The following LSAMP variants were observed in gnomAD, a reference collection of about 807,000 sequenced individuals.
The protein encoded by LSAMP is limbic system associated membrane protein, also known as limbic system-associated membrane protein.
A neutral mutation model predicts 38.6 loss-of-function variants in LSAMP; 7 were observed. The observed-to-expected ratio is 0.18, with a 90% confidence interval of 0.10 to 0.34. The LOEUF (loss-of-function observed/expected upper bound fraction) is 0.34. LSAMP is among the 10% of genes least tolerant of loss of function. The pLI, the probability that LSAMP is intolerant of heterozygous loss-of-function variation, is 1.00. For synonymous variants in LSAMP, 154 were observed against 166.8 expected (o/e 0.92, Z 0.59); for missense variants, 313 against 420.0 (o/e 0.75, Z 2.23).
intron 1 of LSAMP, among the ~76,000 whole-genome samples, chr3:116,409,000 C>T (rs776378026): frequency 3.9e-5 from 6 of 151,906 alleles, no homozygotes; most frequent in Non-Finnish European, 8.8e-5. Context: ...AGTGATTTGC[C>T]CTTTTTCTAC....
chr3:115,865,012 C>T (rs1415069738), intron 3 of LSAMP, among the ~76,000 whole-genome samples: 2 of 152,166 alleles, frequency 1.3e-5, no homozygotes, highest in African/African-American at 4.8e-5. Context: ...GACCCCCTCG[C>T]CTCCTGTACC....
At chr3:116,398,418 G>C (rs1184381166) in intron 1 of LSAMP, among the ~76,000 whole-genome samples, 1 of 152,132 alleles carries the variant, frequency 6.6e-6, no homozygotes, top group Non-Finnish European at 1.5e-5. Context: ...AGAGTATCTG[G>C]CTCCGTAGGT....
intron 4 of LSAMP, among the ~76,000 whole-genome samples, chr3:115,845,173 GAAGT>G (rs1014747848): frequency 5.3e-5 from 8 of 152,160 alleles, no homozygotes; most frequent in Non-Finnish European, 2.9e-5. Flanking sequence ...CATAAGTAAA[GAAGT>G]AAGACGACCA....
At chr3:116,073,470 T>G (rs1170732525) in intron 2 of LSAMP, among the ~76,000 whole-genome samples, 1 of 152,228 alleles carries the variant, frequency 6.6e-6, no homozygotes, top group East Asian at 1.9e-4. Flanking sequence ...AATGATAGTT[T>G]AACGGGAATA....
intron 1 of LSAMP, among the ~76,000 whole-genome samples, chr3:116,414,766 C>T (rs2049027201): frequency 6.6e-6 from 1 of 152,120 alleles, no homozygotes; most frequent in South Asian, 2.1e-4. Flanking sequence ...TTTGCATCTG[C>T]ACTGCCATTT....
chr3:115,965,764 G>T (rs184157610), intron 3 of LSAMP, among the ~76,000 whole-genome samples: 2 of 151,842 alleles, frequency 1.3e-5, no homozygotes, highest in East Asian at 3.9e-4. Context: ...ATGAAAAGAT[G>T]AAACTTTATT....
chr3:116,340,960 C>T (rs1559834073), intron 1 of LSAMP, among the ~76,000 whole-genome samples: 1 of 151,974 alleles, frequency 6.6e-6, no homozygotes, highest in Non-Finnish European at 1.5e-5. Context: ...CTATATGTAT[C>T]ATCCTCAGTC....
At chr3:116,320,535 T>G (rs990684708) in intron 1 of LSAMP, among the ~76,000 whole-genome samples, 2 of 152,210 alleles carry the variant, frequency 1.3e-5, no homozygotes, top group African/African-American at 4.8e-5. Context: ...TGGATTCTCC[T>G]AGGGTGTTGT....
intron 3 of LSAMP, among the ~76,000 whole-genome samples, chr3:115,878,502 C>G (rs1341289055): frequency 7.4e-6 from 1 of 134,748 alleles, no homozygotes; most frequent in Non-Finnish European, 1.5e-5. Context: ...TGCTCTGTTA[C>G]CCAGGCTGGA....
intron 1 of LSAMP, among the ~76,000 whole-genome samples, chr3:116,184,189 G>T (rs537148289): frequency 6.6e-6 from 1 of 151,720 alleles, no homozygotes; most frequent in Non-Finnish European, 1.5e-5. Flanking sequence ...TATCATCATC[G>T]TTATAGCTAA....
intron 6 of LSAMP, among the ~76,000 whole-genome samples, chr3:115,831,283 C>T (rs1193009371): frequency 2.0e-5 from 3 of 152,142 alleles, no homozygotes; most frequent in Admixed American, 1.3e-4. Flanking sequence ...ACAAGTGAGA[C>T]ACATTCCAGG....
Position 116,370,619 on chromosome 3 carries a change from A to T in LSAMP, c.155+74258T>A, listed in dbSNP as rs549221847. ...GTGGGGAGTTGAGGGGAGGGTAAAA[A>T]TGACCCTGCCATCCAAAATATCAGG... On this transcript the variant is annotated intron_variant, in intron 1 of 6. Coordinates refer to ENST00000490035, the MANE Select transcript of LSAMP (RefSeq NM_002338.5). Among the ~76,000 whole-genome samples the T allele has an allele frequency of 2.0e-4, 30 of 152,292 alleles. 1 individual carries two copies. Among genetic ancestry groups the T allele is most frequent in the African/African-American group, 7.2e-4 (30 of 41,552 alleles).
At chr3:116,181,458 ATACT>A (rs551337252) in intron 1 of LSAMP, among the ~76,000 whole-genome samples, 29 of 151,378 alleles carry the variant, frequency 1.9e-4, no homozygotes, top group Non-Finnish European at 4.1e-4. Context: ...TATTTTAAAA[ATACT>A]TACTTCCAAA....
At chr3:115,993,658 A>T (rs13093898) in intron 3 of LSAMP, among the ~76,000 whole-genome samples, 5 of 152,030 alleles carry the variant, frequency 3.3e-5, no homozygotes, top group African/African-American at 1.2e-4. Flanking sequence ...CATATTTTAA[A>T]CCTTTTGCCC....
chr3:116,368,185 A>G (rs1180167984), intron 1 of LSAMP: 1 of 152,264 alleles, frequency 6.6e-6, no homozygotes, highest in Non-Finnish European at 1.5e-5. Flanking sequence ...ATGCCCACAG[A>G]GTTCCACCGC....
intron 1 of LSAMP, among the ~76,000 whole-genome samples, chr3:116,173,723 C>T (rs1280967411): frequency 6.6e-6 from 1 of 151,092 alleles, no homozygotes; most frequent in South Asian, 2.1e-4. Flanking sequence ...TGAGCGAGAG[C>T]ATATTTAACA....
chr3:116,047,748 A>G (rs1449922365), intron 2 of LSAMP, among the ~76,000 whole-genome samples: 1 of 152,126 alleles, frequency 6.6e-6, no homozygotes, highest in Non-Finnish European at 1.5e-5. Flanking sequence ...GAACATTATA[A>G]TTTTTAAATT....
rs529571663 is a variant in LSAMP, at chr3:116,409,389, A to G, written c.155+35488T>C. On this transcript the variant is annotated intron_variant, in intron 1 of 6. Transcript: ENST00000490035. ...GATCAGTACTGCCAAGCTGCTTTGC[A>G]TGATGGGATCTGTAGTTTTCACTCA... 9.6e-4 allele frequency among the ~76,000 whole-genome samples: 146 copies of G among 152,192 alleles called. 4 individuals carry two copies. Among genetic ancestry groups the G allele is most frequent in the Admixed American group, 6.6e-4 (10 of 15,256 alleles).
intron 3 of LSAMP, among the ~76,000 whole-genome samples, chr3:115,884,845 A>G (rs190821664): frequency 2.0e-4 from 31 of 152,174 alleles, no homozygotes; most frequent in Admixed American, 1.6e-3. Flanking sequence ...ATTATAAGAA[A>G]CACAAGTATA....
Sources: allele counts gnomAD v4.1 joint callset (sites outside exome capture counted in the v4.1 genomes callset), GRCh38; gene constraint gnomAD v4.1.1; transcripts MANE v1.5; gene names NCBI Gene and HGNC (gene_info 2026-07-23, HGNC 2026-07-21).